SLC24A2: variants seen among roughly 807,000 people sequenced by gnomAD.
SLC24A2 encodes sodium/potassium/calcium exchanger 2.
SLC24A2 carries 36 observed loss-of-function variants against 62.0 expected under a neutral mutation model. That is an observed-to-expected ratio of 0.58 (90% CI 0.44 to 0.77). The LOEUF (loss-of-function observed/expected upper bound fraction) is 0.77, where lower values mean the gene tolerates loss of function less well. Among genes scored for constraint, SLC24A2 ranks in the 30% least tolerant of loss-of-function variants. The pLI is 0.00. For synonymous variants in SLC24A2, 358 were observed against 294.0 expected (o/e 1.22, Z -2.23); for missense variants, 846 against 817.9 (o/e 1.03, Z -0.42).
At chr9:19,524,401 A>G (rs1469075578) in intron 9 of SLC24A2, among the ~76,000 whole-genome samples, 1 of 144,368 alleles carries the variant, frequency 6.9e-6, no homozygotes, top group Non-Finnish European at 1.5e-5. Context: ...AAGAACAACA[A>G]AAACAAAAGA....
chr9:20,059,946 C>A, the SLC24A2 span, among the ~76,000 whole-genome samples: 335 of 151,848 alleles, frequency 2.2e-3, 2 homozygotes, highest in African/African-American at 7.5e-3. Context: ...ATGCAAATCA[C>A]TAAAAGCAGA....
the SLC24A2 span, among the ~76,000 whole-genome samples, chr9:20,107,786 C>T: frequency 6.6e-6 from 1 of 152,072 alleles, no homozygotes. Flanking sequence ...TAGGCATGGG[C>T]AAGGACTTCA....
At chr9:20,185,872 C>T in the SLC24A2 span, among the ~76,000 whole-genome samples, 1 of 152,052 alleles carries the variant, frequency 6.6e-6, no homozygotes, top group African/African-American at 2.4e-5. Flanking sequence ...GAAAAGCAGA[C>T]ACCCCCACAC....
At chr9:20,097,796 G>A in the SLC24A2 span, among the ~76,000 whole-genome samples, 198 of 127,210 alleles carry the variant, frequency 1.6e-3, no homozygotes, top group African/African-American at 5.5e-3. Flanking sequence ...AGGCTGGAGT[G>A]CAGTGGCGCG....
chr9:19,721,549 T>C (rs1012705811), intron 2 of SLC24A2, among the ~76,000 whole-genome samples: 1 of 151,636 alleles, frequency 6.6e-6, no homozygotes, highest in Non-Finnish European at 1.5e-5. Flanking sequence ...CATGAGATGA[T>C]AAATCTGATA....
At chr9:19,960,773 C>T in the SLC24A2 span, among the ~76,000 whole-genome samples, 1 of 152,054 alleles carries the variant, frequency 6.6e-6, no homozygotes, top group African/African-American at 2.4e-5. Context: ...GTGGTTTACT[C>T]CTGTGTAAAA....
chr9:19,567,733 G>T (rs1366897394), intron 7 of SLC24A2, among the ~76,000 whole-genome samples: 1 of 150,564 alleles, frequency 6.6e-6, no homozygotes, highest in Non-Finnish European at 1.5e-5. Flanking sequence ...AATTCTCAGT[G>T]GCATCCCAGA....
chr9:19,902,046 C>A, the SLC24A2 span, among the ~76,000 whole-genome samples: 1 of 152,188 alleles, frequency 6.6e-6, no homozygotes, highest in Non-Finnish European at 1.5e-5. Context: ...GGGTGCAGGA[C>A]TTAAGTAACC....
the SLC24A2 span, among the ~76,000 whole-genome samples, chr9:19,915,023 T>G: frequency 6.6e-6 from 1 of 152,162 alleles, no homozygotes; most frequent in Non-Finnish European, 1.5e-5. Context: ...ATATTCACAA[T>G]GTCGTACAAC....
At chr9:20,073,873 C>T in the SLC24A2 span, among the ~76,000 whole-genome samples, 108 of 81,174 alleles carry the variant, frequency 1.3e-3, no homozygotes, top group East Asian at 6.9e-3. Flanking sequence ...TGTATATGTG[C>T]GTGTATATAT....
At chr9:20,207,468 T>C in the SLC24A2 span, among the ~76,000 whole-genome samples, 3 of 152,216 alleles carry the variant, frequency 2.0e-5, no homozygotes, top group African/African-American at 7.2e-5. Context: ...ACCTTTAAGA[T>C]TAAAATTAGG....
At chr9:19,550,395 T>A in intron 7 of SLC24A2, 127 bp from the exon 8 acceptor site, 1 of 857,574 alleles carries the variant, frequency 1.2e-6, no homozygotes, top group South Asian at 1.5e-5. Context: ...TTCCAGTAGC[T>A]TCATATGTGT....
the SLC24A2 span, among the ~76,000 whole-genome samples, chr9:20,286,438 A>G: frequency 6.6e-6 from 1 of 152,224 alleles, no homozygotes; most frequent in Non-Finnish European, 1.5e-5. Flanking sequence ...ATATAACTCC[A>G]TATCTGGCAT....
the SLC24A2 span, among the ~76,000 whole-genome samples, chr9:20,145,160 A>C: frequency 2.0e-5 from 3 of 152,172 alleles, no homozygotes; most frequent in African/African-American, 7.2e-5. Context: ...ATTCCAACTC[A>C]AGAGGCAGTC....
the SLC24A2 span, among the ~76,000 whole-genome samples, chr9:20,199,610 GA>G: frequency 6.6e-6 from 1 of 151,520 alleles, no homozygotes; most frequent in Non-Finnish European, 1.5e-5. Flanking sequence ...TGAGAATAAA[GA>G]AAAAAGGAGA....
chr9:19,645,940 G>C (rs1197716989), intron 2 of SLC24A2, among the ~76,000 whole-genome samples: 1 of 152,228 alleles, frequency 6.6e-6, no homozygotes, highest in Admixed American at 6.5e-5. Context: ...TCAGTGTCTT[G>C]TTTCTGCGTC....
intron 2 of SLC24A2, among the ~76,000 whole-genome samples, chr9:19,763,853 T>G (rs1429739709): frequency 1.3e-5 from 2 of 152,170 alleles, no homozygotes; most frequent in Non-Finnish European, 2.9e-5. Flanking sequence ...GACTTTCTCT[T>G]TTTCTATTGT....
the SLC24A2 span, among the ~76,000 whole-genome samples, chr9:20,141,237 G>C: frequency 6.6e-6 from 1 of 152,042 alleles, no homozygotes; most frequent in African/African-American, 2.4e-5. Context: ...AAGAGATAGA[G>C]GCAAGACAGC....
intron 2 of SLC24A2, among the ~76,000 whole-genome samples, chr9:19,640,245 G>A (rs560718802): frequency 5.9e-5 from 9 of 152,330 alleles, no homozygotes; most frequent in South Asian, 2.1e-4. Context: ...CTCTCCTGCT[G>A]TTATTAAACC....
Sources: allele counts gnomAD v4.1 joint callset (sites outside exome capture counted in the v4.1 genomes callset), GRCh38; gene constraint gnomAD v4.1.1; transcripts MANE v1.5; gene names NCBI Gene and HGNC (gene_info 2026-07-23, HGNC 2026-07-21).